Variants in SVIL observed in about 807,000 individuals in gnomAD.
The protein encoded by SVIL is supervillin.
SVIL carries 101 observed loss-of-function variants against 240.4 expected under a neutral mutation model. That is an observed-to-expected ratio of 0.42 (90% CI 0.36 to 0.50). The LOEUF is 0.50. Ranked by LOEUF, SVIL falls within the 20% of genes least tolerant of loss-of-function variation. The pLI is 0.01. For synonymous variants in SVIL, 999 were observed against 1,100.0 expected, an observed-to-expected ratio of 0.91 and a Z score of 1.82; for missense variants, 2,512 against 2,818.7, an observed-to-expected ratio of 0.89 and a Z score of 2.46.
chr10:29,544,954 G>A (rs759135526), intron 6 of SVIL: 27 of 532,184 alleles, frequency 5.1e-5, no homozygotes, highest in Middle Eastern at 3.2e-4. Flanking sequence ...AATAAGCTGT[G>A]AGGAGGACCC....
intron 11 of SVIL, among the ~76,000 whole-genome samples, chr10:29,530,371 G>A (rs960086964): frequency 4.6e-5 from 7 of 152,166 alleles, no homozygotes; most frequent in African/African-American, 9.7e-5. Flanking sequence ...CAACAGGTGG[G>A]CCAGAGGCAG....
At chr10:29,500,991 G>A (rs987315238) in intron 17 of SVIL, among the ~76,000 whole-genome samples, 6 of 152,072 alleles carry the variant, frequency 3.9e-5, no homozygotes, top group African/African-American at 1.4e-4. Context: ...CACAAAACCA[G>A]GTCTGCACTG....
chr10:29,733,421 C>T (rs947566872), intron 1 of SVIL, among the ~76,000 whole-genome samples: 3 of 152,032 alleles, frequency 2.0e-5, no homozygotes, highest in African/African-American at 7.3e-5. Flanking sequence ...AACTCTTGGG[C>T]TCAAGCGATC....
At chr10:29,482,029 T>C (rs1242824399) in intron 27 of SVIL, among the ~76,000 whole-genome samples, 1 of 50,484 alleles carries the variant, frequency 2.0e-5, no homozygotes, top group Admixed American at 2.1e-4. Context: ...TTCTTTTTTT[T>C]TTTTTTTTTT....
chr10:29,512,980 T>A, intron 16 of SVIL, 119 bp from the exon 17 acceptor site: 1 of 1,387,662 alleles, frequency 7.2e-7, no homozygotes, highest in Non-Finnish European at 9.7e-7. Flanking sequence ...CGCCTCGTTT[T>A]AACATTTTGA....
chr10:29,702,894 T>C (rs988868167), intron 1 of SVIL, among the ~76,000 whole-genome samples: 3 of 152,186 alleles, frequency 2.0e-5, no homozygotes, highest in Admixed American at 6.5e-5. Flanking sequence ...GGTAGAATCG[T>C]ACTGATCTCA....
chr10:29,642,069 C>A (rs1052571107), intron 3 of SVIL, among the ~76,000 whole-genome samples: 4 of 152,100 alleles, frequency 2.6e-5, no homozygotes, highest in African/African-American at 9.7e-5. Context: ...TTTGTTCTCT[C>A]TGCTCAGAAT....
chr10:29,517,630 G>T (rs1197116326), intron 16 of SVIL, among the ~76,000 whole-genome samples: 1 of 152,272 alleles, frequency 6.6e-6, no homozygotes, highest in African/African-American at 2.4e-5. Context: ...TGGGGCGGGG[G>T]CCGGCAGGCG....
intron 16 of SVIL, among the ~76,000 whole-genome samples, chr10:29,520,817 G>A (rs935330658): frequency 6.6e-6 from 1 of 151,932 alleles, no homozygotes; most frequent in Admixed American, 6.6e-5. Context: ...TGGGGAGGCC[G>A]AGGCAGGAGG....
intron 29 of SVIL, among the ~76,000 whole-genome samples, chr10:29,479,195 C>T (rs1486443479): frequency 6.6e-6 from 1 of 152,168 alleles, no homozygotes; most frequent in African/African-American, 2.4e-5. Flanking sequence ...GCCAGACTCA[C>T]AGCTGCCCAC....
At chr10:29,503,581 A>G (rs1278277513) in intron 17 of SVIL, among the ~76,000 whole-genome samples, 2 of 152,280 alleles carry the variant, frequency 1.3e-5, no homozygotes, top group African/African-American at 2.4e-5. Flanking sequence ...CATACTCAGT[A>G]TATAAACTAT....
rs369153424 is a variant in SVIL, at chr10:29,605,987, T to C, written c.-201+28433A>G. On this transcript the variant is annotated intron_variant, in intron 1 of 37. Coordinates refer to ENST00000355867, the MANE Select transcript of SVIL (RefSeq NM_021738.3). The stretch of plus-strand genomic sequence containing the variant: ...GTGCAGTAGTGCCATCTCAGCTCAC[T>C]GCAACCTCCGCCTCCTGGGTTCAAG... Among the ~76,000 whole-genome samples the C allele has an allele frequency of 7.2e-5, 11 of 152,232 alleles. No individual in the cohort carries two copies. The East Asian group carries it at 1.2e-3, about 16-fold the overall frequency.
Position 29,522,391 on chromosome 10 carries a change from G to C in SVIL, c.3389+19C>G. On this transcript the variant is annotated intron_variant, in intron 16 of 37. Transcript: ENST00000355867. ...CTCCTCCCCGAGAGAATTACTTTTC[G>C]CTCACCGAATCTCATTACCTTTCTT... 6.2e-7 allele frequency: 1 copy of C among 1,611,090 alleles called. No individual in the cohort carries two copies. The highest frequency in any genetic ancestry group is 1.1e-5 in the South Asian group (1 of 90,928).
At chr10:29,690,913 C>T (rs1377538862) in intron 1 of SVIL, among the ~76,000 whole-genome samples, 6 of 152,070 alleles carry the variant, frequency 3.9e-5, no homozygotes, top group Admixed American at 2.0e-4. Context: ...ATTTTTCTTA[C>T]GTTCAAATGT....
chr10:29,512,763 T>C lies in SVIL; in HGVS notation c.3488A>G (p.Gln1163Arg). Residue 1163 changes from glutamine (Q) to arginine (R), a missense_variant, in exon 17 of 38, where the codon CAG becomes CGG. Gln to Arg is a conservative substitution (Grantham distance 43). Coordinates refer to ENST00000355867, the MANE Select transcript of SVIL (RefSeq NM_021738.3). ...GKAPASSLHT[Q>R]EAGRSLIKKR... ...CTTGATGAGGGACCGCCCTGCTTCC[T>C]GGGTGTGCAGGCTGCTGGCCGGCGC... is the stretch of plus-strand genomic sequence containing the variant. 6.2e-7 allele frequency: 1 copy of C among 1,614,038 alleles called. No individual in the cohort carries two copies. The highest frequency in any genetic ancestry group is 8.5e-7 in the Non-Finnish European group (1 of 1,180,048).
chr10:29,657,507 C>G (rs893964872), intron 3 of SVIL, among the ~76,000 whole-genome samples: 2 of 152,070 alleles, frequency 1.3e-5, no homozygotes, highest in Non-Finnish European at 2.9e-5. Flanking sequence ...CCAGGGAACA[C>G]ACTTTGAGAA....
rs370331387 is a variant in SVIL, at chr10:29,723,071, T to A, written c.-400+12680A>T. Among the ~76,000 whole-genome samples the A allele has an allele frequency of 6.6e-5, 10 of 152,316 alleles. No homozygotes were observed. The East Asian group carries it at 1.4e-3, about 21-fold the overall frequency. On this transcript the variant is annotated intron_variant, in intron 1 of 35. Coordinates refer to the SVIL transcript ENST00000375400. ...CAGACTGCCCTGTACATAAAAGTCC[T>A]CCATAAATATTTATAAATGTAGGCG...
At chr10:29,589,205 TG>T (rs373133000) in intron 1 of SVIL, among the ~76,000 whole-genome samples, 41 of 152,332 alleles carry the variant, frequency 2.7e-4, no homozygotes, top group African/African-American at 9.4e-4. Flanking sequence ...AAAGCAGCGT[TG>T]GGAAACGGAG....
chr10:29,644,159 G>A (rs1444630864), intron 3 of SVIL, among the ~76,000 whole-genome samples: 2 of 152,166 alleles, frequency 1.3e-5, no homozygotes, highest in African/African-American at 4.8e-5. Flanking sequence ...GGGGACATGA[G>A]CTGACGGTGA....
Sources: allele counts gnomAD v4.1 joint callset (sites outside exome capture counted in the v4.1 genomes callset), GRCh38; gene constraint gnomAD v4.1.1; transcripts MANE v1.5; gene names NCBI Gene and HGNC (gene_info 2026-07-23, HGNC 2026-07-21).